The following VDAC1 variants were observed in gnomAD, a reference collection of about 807,000 sequenced individuals.
VDAC1 encodes non-selective voltage-gated ion channel VDAC1.
VDAC1 carries 10 observed loss-of-function variants against 34.7 expected under a neutral mutation model. The observed-to-expected ratio is 0.29, with a 90% CI of 0.18 to 0.49. The LOEUF (loss-of-function observed/expected upper bound fraction) is 0.49. Ranked by LOEUF, VDAC1 falls within the 20% of genes least tolerant of loss-of-function variation. VDAC1 has a pLI of 0.99. For synonymous variants in VDAC1, 130 were observed against 136.0 expected (o/e 0.96, Z 0.30); for missense variants, 230 against 347.9 (o/e 0.66, Z 2.69).
intron 1 of VDAC1, among the ~76,000 whole-genome samples, chr5:134,003,454 C>A (rs904482499): frequency 6.6e-6 from 1 of 152,240 alleles, no homozygotes; most frequent in South Asian, 2.1e-4. Context: ...TCTCCACATG[C>A]AAACTTACTG....
chr5:134,085,348 G>A, the VDAC1 span, among the ~76,000 whole-genome samples: 4 of 151,878 alleles, frequency 2.6e-5, no homozygotes, highest in Non-Finnish European at 5.9e-5. Flanking sequence ...GATTACAGGC[G>A]TGAGCCACCG....
chr5:133,978,783 C>T (rs1385907120), intron 6 of VDAC1, among the ~76,000 whole-genome samples: 2 of 152,084 alleles, frequency 1.3e-5, no homozygotes, highest in East Asian at 1.9e-4. Flanking sequence ...GAGGCCAAGG[C>T]GGGCAGATCG....
intron 1 of VDAC1, 77 bp downstream of exon 1, chr5:134,004,818 T>C (rs1753704420): frequency 6.7e-6 from 1 of 150,010 alleles, no homozygotes; most frequent in South Asian, 2.1e-4. Context: ...CCCGGCGCGC[T>C]CCGCCCCCAG....
At position 133,992,989 on chromosome 5, in the gene VDAC1, G is replaced by T; in HGVS notation, c.24C>A (p.Ala8=). 1 of 1,613,350 alleles carries T rather than the reference G, an allele frequency of 6.2e-7. No homozygotes were observed. The highest frequency in any genetic ancestry group is 8.5e-7 in the Non-Finnish European group (1 of 1,179,584). The change falls in exon 2 of 9, where the codon GCC becomes GCA. Residue 8 remains alanine, a synonymous_variant. Coordinates refer to ENST00000265333, the MANE Select transcript of VDAC1 (RefSeq NM_003374.3). MAVPPTY[A]DLGKSARDVF... ...CATCCCTGGCAGATTTGCCAAGATC[G>T]GCATACGTGGGTGGCACAGCCATCT...
the VDAC1 span, among the ~76,000 whole-genome samples, chr5:134,084,201 A>G: frequency 1.4e-4 from 21 of 152,204 alleles, no homozygotes; most frequent in African/African-American, 5.1e-4. Flanking sequence ...AGAGGATCCC[A>G]AGAAAGGAAA....
At chr5:133,992,472 G>A in intron 2 of VDAC1, 117 bp from the exon 3 acceptor site, 1 of 659,554 alleles carries the variant, frequency 1.5e-6, no homozygotes. Flanking sequence ...CTGCCACAGG[G>A]GCTGAGGGCA....
intron 5 of VDAC1, among the ~76,000 whole-genome samples, chr5:133,981,394 T>C (rs1752693525): frequency 6.6e-6 from 1 of 152,216 alleles, no homozygotes; most frequent in African/African-American, 2.4e-5. Context: ...AGAGACGGTT[T>C]TCTTCTTACT....
the VDAC1 span, among the ~76,000 whole-genome samples, chr5:134,111,278 T>C: frequency 6.6e-6 from 1 of 152,184 alleles, no homozygotes; most frequent in Non-Finnish European, 1.5e-5. Context: ...TAGTCCTGTT[T>C]CCAGCATCTG....
chr5:134,067,426 T>C, the VDAC1 span, among the ~76,000 whole-genome samples: 1 of 95,608 alleles, frequency 1.0e-5, no homozygotes, highest in Admixed American at 1.1e-4. Flanking sequence ...AGTTACATAT[T>C]CTAAAAAAAA....
intron 6 of VDAC1, among the ~76,000 whole-genome samples, chr5:133,977,236 C>T (rs1752515375): frequency 6.6e-6 from 1 of 152,182 alleles, no homozygotes; most frequent in African/African-American, 2.4e-5. Context: ...AGGAGCAGCA[C>T]TTCAAAAGAG....
Position 133,972,399 on chromosome 5 carries a change from T to G in VDAC1, c.*372A>C. 2.4e-6 allele frequency: 1 copy of G among 411,628 alleles called. No homozygotes were observed. The highest frequency in any genetic ancestry group is 4.3e-6 in the Non-Finnish European group (1 of 233,974). The allele number at this position is 411,628 out of a possible 1,614,324, so 25.5% of individuals were successfully genotyped here. A position where few individuals can be genotyped will look rare whatever the true frequency, so the allele number is the denominator to read the frequency against. Reference sequence around the variant, plus strand: ...CATCAAGCAGCGAGCCTCTCATCAATTAGGGTTAGGGAACCAAGGTTCGAT... The same window carrying G: ...CATCAAGCAGCGAGCCTCTCATCAAGTAGGGTTAGGGAACCAAGGTTCGAT... On this transcript the variant is annotated 3_prime_UTR_variant, in exon 9 of 9. Coordinates refer to ENST00000265333, the MANE Select transcript of VDAC1 (RefSeq NM_003374.3).
In VDAC1 at chr5:133,995,804, TA is replaced by T. The variant is rs200090696; in HGVS notation, c.-6-2787del. On this transcript the variant is annotated intron_variant, in intron 1 of 8. Coordinates refer to ENST00000265333, the MANE Select transcript of VDAC1 (RefSeq NM_003374.3). ...TTCAGAGACAATTTTATGATAGAAATAATAATCTGCATTAATTTTCTAAGGC... is the reference window on the plus strand; with the variant it reads ...TTCAGAGACAATTTTATGATAGAAATATAATCTGCATTAATTTTCTAAGGC... Among the ~76,000 whole-genome samples the T allele has an allele frequency of 3.1e-3, 470 of 152,242 alleles. 5 individuals are homozygous for T. The highest frequency in any genetic ancestry group is 0.011 in the African/African-American group (452 of 41,520).
chr5:134,062,363 T>C, the VDAC1 span, among the ~76,000 whole-genome samples: 3 of 151,792 alleles, frequency 2.0e-5, no homozygotes, highest in Non-Finnish European at 2.9e-5. Context: ...GATGATTATA[T>C]GATTGTTCTT....
chr5:134,077,175 G>A, the VDAC1 span, among the ~76,000 whole-genome samples: 1 of 151,160 alleles, frequency 6.6e-6, no homozygotes, highest in Non-Finnish European at 1.5e-5. Flanking sequence ...TACTTGGGAG[G>A]CTGAGGCACA....
At chr5:134,055,576 C>T in the VDAC1 span, among the ~76,000 whole-genome samples, 5 of 130,598 alleles carry the variant, frequency 3.8e-5, no homozygotes, top group East Asian at 2.7e-4. Flanking sequence ...CCCGCCACCA[C>T]GCCCCGCTAA....
chr5:134,095,362 A>G, the VDAC1 span, among the ~76,000 whole-genome samples: 1 of 152,042 alleles, frequency 6.6e-6, no homozygotes, highest in East Asian at 1.9e-4. Context: ...TCGTGCCTAT[A>G]GTCCCTGCTA....
chr5:134,018,165 CTGTGAG>C, the VDAC1 span, among the ~76,000 whole-genome samples: 7 of 152,208 alleles, frequency 4.6e-5, no homozygotes, highest in African/African-American at 1.7e-4. Context: ...CTGGTGAGGC[CTGTGAG>C]TGTCTCCTAA....
At chr5:134,060,606 C>T in the VDAC1 span, among the ~76,000 whole-genome samples, 3 of 151,756 alleles carry the variant, frequency 2.0e-5, no homozygotes, top group African/African-American at 7.2e-5. Flanking sequence ...GAATTTATAA[C>T]TGCAACATTC....
At chr5:134,076,515 C>G in the VDAC1 span, among the ~76,000 whole-genome samples, 3 of 152,244 alleles carry the variant, frequency 2.0e-5, no homozygotes, top group Admixed American at 2.0e-4. Flanking sequence ...AAGGCTAAGT[C>G]TGTTTAGCTC....
Sources: gnomAD v4.1 joint callset for allele counts (sites outside exome capture counted in the v4.1 genomes callset) on GRCh38, gnomAD v4.1.1 for gene constraint, MANE v1.5 for transcripts, NCBI Gene and HGNC (gene_info 2026-07-23, HGNC 2026-07-21) for gene names.